ALG1: variants seen among roughly 807,000 people sequenced by gnomAD.
ALG1 encodes the protein chitobiosyldiphosphodolichol beta-mannosyltransferase.
In ALG1, 58 loss-of-function variants were observed where a neutral mutation model predicts 55.1. The ratio of observed to expected loss-of-function variants is 1.05; its 90% CI spans 0.85 to 1.31. ALG1 has a LOEUF of 1.31. Ranked by LOEUF, ALG1 falls within the 50% of genes most tolerant of loss-of-function variation. ALG1 has a pLI of 0.00. For missense variants in ALG1, 761 were observed against 598.6 expected, an observed-to-expected ratio of 1.27 and a Z score of -2.83; for synonymous variants, 309 against 247.0, an observed-to-expected ratio of 1.25 and a Z score of -2.35.
rs756606180 is a variant in ALG1, at chr16:5,082,630, A to G, written c.1144A>G (p.Met382Val). The change falls in exon 11 of 13, where the codon ATG (methionine) becomes GTG (valine). Residue 382 changes from methionine to valine, a missense_variant. Transcript: ENST00000262374. Reference protein sequence around the residue: ...GLDLPMKVVDMFGCCLPVCAV... With the variant: ...GLDLPMKVVDVFGCCLPVCAV... ...GGACCTGCCCATGAAGGTGGTGGAC[A>G]TGTTCGGGTGCTGTTTGCCTGTGTG... 5.0e-6 allele frequency: 8 copies of G among 1,611,972 alleles called. No homozygotes were observed. Among genetic ancestry groups the G allele is most frequent in the East Asian group, 2.2e-5 (1 of 44,870 alleles).
chr16:5,083,766 G>A lies in ALG1; in HGVS notation c.1263+9G>A, dbSNP rs755109435. Reference sequence around the variant, plus strand: ...TGGCAGCTCAGCTGCAGGTAGCCACGTCTGCCACCACGCCAGGGTGGGGAG... The same window carrying A: ...TGGCAGCTCAGCTGCAGGTAGCCACATCTGCCACCACGCCAGGGTGGGGAG... On this transcript the variant is annotated intron_variant, in intron 12 of 12. Coordinates refer to ENST00000262374, the MANE Select transcript of ALG1 (RefSeq NM_019109.5). 17 of 1,597,604 alleles carry A rather than the reference G, an allele frequency of 1.1e-5. No individual in the cohort carries two copies. The highest frequency in any genetic ancestry group is 6.7e-5 in the Admixed American group (4 of 60,012).
intron 9 of ALG1, 100 bp downstream of exon 9, chr16:5,079,907 A>G: frequency 7.0e-7 from 1 of 1,434,212 alleles, no homozygotes; most frequent in Non-Finnish European, 9.8e-7. Context: ...TGTCTCCTTA[A>G]TCCTCACTGC....
intron 3 of ALG1, 163 bp downstream of exon 3, chr16:5,073,419 T>C: frequency 4.4e-6 from 3 of 678,880 alleles, no homozygotes; most frequent in African/African-American, 1.8e-5. Context: ...ATGGCACCTA[T>C]CCATGCTCTC....
chr16:5,077,343 C>T, intron 4 of ALG1, 102 bp from the exon 5 acceptor site: 3 of 1,046,402 alleles, frequency 2.9e-6, no homozygotes, highest in South Asian at 1.3e-5. Flanking sequence ...CTCAAACTCT[C>T]CCAGCTCTGC....
Position 5,073,146 on chromosome 16 carries a change from CT to C in ALG1, c.287-5del. On this transcript the variant is annotated splice_polypyrimidine_tract_variant and splice_region_variant and intron_variant, in intron 2 of 12. Coordinates refer to ENST00000262374, the MANE Select transcript of ALG1 (RefSeq NM_019109.5). ...TTTGGTAGTCACAGGTGTTTTCTGA[CT>C]TGCAGTTGGGCCCCGAGTTTTCCAG... 6.2e-7 allele frequency: 1 copy of C among 1,614,086 alleles called. No individual in the cohort carries two copies. The highest frequency in any genetic ancestry group is 1.1e-5 in the South Asian group (1 of 91,086).
intron 9 of ALG1, 32 bp downstream of exon 9, chr16:5,079,839 T>C (rs771153263): frequency 1.9e-6 from 3 of 1,608,896 alleles, no homozygotes; most frequent in South Asian, 1.1e-5. Flanking sequence ...GTCTGTTTGG[T>C]TGGGGGATGG....
intron 5 of ALG1, 60 bp from the exon 6 acceptor site, chr16:5,077,847 C>G: frequency 2.0e-6 from 3 of 1,490,442 alleles, no homozygotes; most frequent in Middle Eastern, 2.4e-4. Flanking sequence ...GCCTCTGAGT[C>G]CTCTGTTCCT....
At chr16:5,075,725 T>C (rs1956900403) in intron 4 of ALG1, among the ~76,000 whole-genome samples, 189 bp downstream of exon 4, 1 of 152,164 alleles carries the variant, frequency 6.6e-6, no homozygotes, top group Non-Finnish European at 1.5e-5. Flanking sequence ...GACCACATTT[T>C]TTGGCCCATG....
intron 4 of ALG1, among the ~76,000 whole-genome samples, chr16:5,075,800 G>A (rs1184319456): frequency 8.5e-5 from 13 of 152,202 alleles, no homozygotes. Context: ...CCCAGCTCAC[G>A]TCTGTCTCCA....
intron 1 of ALG1, 75 bp downstream of exon 1, chr16:5,072,132 C>G (rs764755685): frequency 2.0e-4 from 313 of 1,548,260 alleles, no homozygotes; most frequent in Non-Finnish European, 2.7e-4. Flanking sequence ...CCCGGGGAGT[C>G]GAGGCGGAAG....
At chr16:5,079,628 G>A in intron 8 of ALG1, 120 bp from the exon 9 acceptor site, 1 of 1,153,992 alleles carries the variant, frequency 8.7e-7, no homozygotes, top group Non-Finnish European at 1.3e-6. Flanking sequence ...GGCAGAGGTT[G>A]CAGTGAGCTG....
chr16:5,075,194 G>T (rs958004577), intron 3 of ALG1, among the ~76,000 whole-genome samples, 194 bp from the exon 4 acceptor site: 3 of 152,164 alleles, frequency 2.0e-5, no homozygotes, highest in Non-Finnish European at 4.4e-5. Flanking sequence ...ATCAGCCACC[G>T]CACCTGGCCC....
intron 3 of ALG1, among the ~76,000 whole-genome samples, chr16:5,073,871 C>T (rs1326204343): frequency 6.6e-6 from 1 of 151,240 alleles, no homozygotes; most frequent in Non-Finnish European, 1.5e-5. Flanking sequence ...CCCGCCACCA[C>T]GCCCAGCTAA....
intron 12 of ALG1, 27 bp downstream of exon 12, chr16:5,083,784 G>A (rs745698087): frequency 6.3e-7 from 1 of 1,597,546 alleles, no homozygotes; most frequent in Non-Finnish European, 8.5e-7. Flanking sequence ...CCACGCCAGG[G>A]TGGGGAGGGT....
At chr16:5,083,590 A>G in intron 11 of ALG1, 92 bp from the exon 12 acceptor site, 9 of 1,592,584 alleles carry the variant, frequency 5.7e-6, no homozygotes, top group Non-Finnish European at 5.9e-6. Flanking sequence ...GCCTGGCTTG[A>G]GCATGGGGTG....
Position 5,085,820 on chromosome 16 carries a change from C to G in ALG1, c.*939C>G. ...TGTGGGGCTGCTAGGACAGGCCTGG[C>G]GGGGTAGGGGGGTGTCCAAGTCAGT... On this transcript the variant is annotated 3_prime_UTR_variant, in exon 13 of 13. Coordinates refer to ENST00000262374, the MANE Select transcript of ALG1 (RefSeq NM_019109.5). The G allele has an allele frequency of 9.5e-7, 1 of 1,050,646 alleles. No homozygotes were observed. Among genetic ancestry groups the G allele is most frequent in the South Asian group, 1.3e-5 (1 of 79,786 alleles). The allele number at this position is 1,050,646 out of a possible 1,614,324, so 65.1% of individuals were successfully genotyped here. A position where few individuals can be genotyped will look rare whatever the true frequency, so the allele number is the denominator to read the frequency against.
chr16:5,080,180 G>A (rs531698879), intron 9 of ALG1, among the ~76,000 whole-genome samples: 6 of 149,630 alleles, frequency 4.0e-5, no homozygotes, highest in Admixed American at 2.7e-4. Flanking sequence ...CAATTCTCAT[G>A]CCCCAGCCTC....
At position 5,085,699 on chromosome 16, in the gene ALG1, C is replaced by G. The variant is rs151297040; in HGVS notation, c.*818C>G. ...GTAGGGAAACAGTTTCTGCTCATGACGAGGTTCCACTTCCCATCTGATCCC... is the reference window on the plus strand; with the variant it reads ...GTAGGGAAACAGTTTCTGCTCATGAGGAGGTTCCACTTCCCATCTGATCCC... On this transcript the variant is annotated 3_prime_UTR_variant, in exon 13 of 13. Transcript: ENST00000262374. The G allele has an allele frequency of 6.2e-7, 1 of 1,611,698 alleles. No homozygotes were observed. The highest frequency in any genetic ancestry group is 1.3e-5 in the African/African-American group (1 of 74,832).
chr16:5,079,959 CTG>C, intron 9 of ALG1, 152 bp downstream of exon 9: 1 of 1,068,160 alleles, frequency 9.4e-7, no homozygotes, highest in South Asian at 1.4e-5. Flanking sequence ...ATGGGGGAAA[CTG>C]AGGCTCAGAG....
Sources: gnomAD v4.1 joint callset for allele counts (sites outside exome capture counted in the v4.1 genomes callset) on GRCh38, gnomAD v4.1.1 for gene constraint, MANE v1.5 for transcripts, NCBI Gene and HGNC (gene_info 2026-07-23, HGNC 2026-07-21) for gene names.